Variants in CNNM3 observed in about 807,000 individuals in gnomAD.
CNNM3 encodes the protein metal transporter CNNM3.
In CNNM3, 47 loss-of-function variants were observed where a neutral mutation model predicts 57.1. The observed-to-expected ratio is 0.82, with a 90% CI of 0.65 to 1.05. CNNM3 has a LOEUF of 1.05. CNNM3 is among the 50% of genes least tolerant of loss of function. The pLI, the probability that CNNM3 is intolerant of heterozygous loss-of-function variation, is 0.00. For synonymous variants in CNNM3, 507 were observed against 478.2 expected (o/e 1.06, Z -0.79); for missense variants, 957 against 973.7 (o/e 0.98, Z 0.23).
intron 1 of CNNM3, among the ~76,000 whole-genome samples, chr2:96,823,511 G>A (rs944208734): frequency 4.6e-5 from 7 of 152,216 alleles, no homozygotes; most frequent in South Asian, 4.1e-4. Context: ...GTCTAGAAAC[G>A]CGGTTCAGCA....
chr2:96,835,557 C>T (rs1034818219), downstream of CNNM3, among the ~76,000 whole-genome samples: 3 of 151,934 alleles, frequency 2.0e-5, no homozygotes, highest in Admixed American at 2.0e-4. Flanking sequence ...CAAGCTCTGC[C>T]TCCCGGGTTC....
intron 7 of CNNM3, 147 bp downstream of exon 7, chr2:96,829,281 A>G: frequency 9.6e-7 from 1 of 1,037,882 alleles, no homozygotes; most frequent in East Asian, 4.6e-5. Flanking sequence ...ATATATATAT[A>G]TCTATATATA....
Position 96,816,645 on chromosome 2 carries a change from C to T in CNNM3, c.368C>T (p.Pro123Leu). The T allele has an allele frequency of 9.1e-7, 1 of 1,094,884 alleles. No individual in the cohort carries two copies. Among genetic ancestry groups the T allele is most frequent in the Non-Finnish European group, 1.1e-6 (1 of 902,146 alleles). 67.8% of individuals were successfully genotyped at this position (1,094,884 alleles called of 1,614,324 possible). Residue 123 changes from proline (P) to leucine (L), a missense_variant, in exon 1 of 8, where the codon CCG (proline) becomes CTG (leucine). Pro to Leu is a moderately conservative substitution (Grantham distance 98). This residue lies in a region of CNNM3 where 466 missense variants were observed against 403.1 expected (regional missense o/e 1.16). Transcript: ENST00000305510. ...HSALLAVRVE[P>L]GGGAAEEAAP... The stretch of plus-strand genomic sequence containing the variant: ...GCGCTGCTGGCGGTGCGCGTGGAGC[C>T]GGGTGGCGGGGCGGCTGAGGAGGCG...
rs1311434321 is a variant in CNNM3, at chr2:96,835,333, G to A, written c.*2717G>A. On this transcript the variant is annotated 3_prime_UTR_variant, in exon 8 of 8. Coordinates refer to ENST00000305510, the MANE Select transcript of CNNM3 (RefSeq NM_017623.5). ...TGGCCCCCTGAAGGACACCTGGGAT[G>A]TTTCCAGTTTGGGGCTATTCCAAAT... Among the ~76,000 whole-genome samples, 1 of 152,140 alleles carries A rather than the reference G, an allele frequency of 6.6e-6. No homozygotes were observed. The highest frequency in any genetic ancestry group is 2.4e-5 in the African/African-American group (1 of 41,414).
At chr2:96,818,624 T>G (rs1479967247) in intron 1 of CNNM3, among the ~76,000 whole-genome samples, 1 of 152,166 alleles carries the variant, frequency 6.6e-6, no homozygotes, top group Non-Finnish European at 1.5e-5. Flanking sequence ...CCTTCACTGT[T>G]TTAGCTGAGC....
At chr2:96,827,424 C>T (rs962624251) in intron 3 of CNNM3, among the ~76,000 whole-genome samples, 9 of 152,162 alleles carry the variant, frequency 5.9e-5, no homozygotes, top group Non-Finnish European at 1.0e-4. Context: ...TGTATCACCA[C>T]GCCCAGCTAA....
rs763919255 is a variant in CNNM3, at chr2:96,817,393, T to G, written c.1116T>G (p.Asp372Glu). The change falls in exon 1 of 8, where the codon GAT (aspartate) becomes GAG (glutamate). Residue 372 changes from aspartate (D) to glutamate (E), a missense_variant. Around this residue, in one of 2 missense-constraint regions of CNNM3, gnomAD observed 491 missense variants for 570.6 expected, o/e 0.86. Coordinates refer to ENST00000305510, the MANE Select transcript of CNNM3 (RefSeq NM_017623.5). ...ACCTCAAGGACTTGGCCTTCGTGGA[T>G]CCCGAAGACTGCACGCCGCTCAGCA... ...MLYLKDLAFV[D>E]PEDCTPLSTI... The G allele has an allele frequency of 8.1e-6, 13 of 1,614,018 alleles. No individual in the cohort carries two copies. In the East Asian group the frequency reaches 2.9e-4, roughly 36 times the overall value.
Position 96,834,920 on chromosome 2 carries a change from C to T in CNNM3, c.*2304C>T, listed in dbSNP as rs1004251213. Among the ~76,000 whole-genome samples the T allele has an allele frequency of 2.0e-5, 3 of 152,124 alleles. No homozygotes were observed. Among genetic ancestry groups the T allele is most frequent in the East Asian group, 1.9e-4 (1 of 5,200 alleles). On this transcript the variant is annotated 3_prime_UTR_variant, in exon 8 of 8. Coordinates refer to ENST00000305510, the MANE Select transcript of CNNM3 (RefSeq NM_017623.5). The stretch of plus-strand genomic sequence containing the variant: ...GTTGTAAAGGTAAGGGCCCCACGCA[C>T]CCTTCATCTAGTTTCCCTCCATGGT...
downstream of CNNM3, among the ~76,000 whole-genome samples, chr2:96,836,239 ATTT>A (rs761750199): frequency 3.6e-4 from 45 of 126,530 alleles, no homozygotes; most frequent in Admixed American, 1.7e-3. Context: ...CACCCAGCTA[ATTT>A]TTTTTTTTTT....
chr2:96,827,678 C>T (rs2079531887), intron 3 of CNNM3, 53 bp from the exon 4 acceptor site: 2 of 1,558,524 alleles, frequency 1.3e-6, no homozygotes, highest in South Asian at 2.3e-5. Flanking sequence ...GGGTGTGGTT[C>T]CACTGGCCAC....
chr2:96,827,069 C>G lies in CNNM3; in HGVS notation c.1519+87C>G, dbSNP rs904689787. The G allele has an allele frequency of 2.7e-6, 4 of 1,460,788 alleles. No individual in the cohort carries two copies. In the African/African-American group the frequency reaches 5.6e-5, roughly 20 times the overall value. 90.5% of individuals were successfully genotyped at this position (1,460,788 alleles called of 1,614,324 possible). Reference sequence around the variant, plus strand: ...GCCCAGGGCCGACACTGACTCTGCTCCCCACTCCTAGCAGGCGGGTGCGTC... The same window carrying G: ...GCCCAGGGCCGACACTGACTCTGCTGCCCACTCCTAGCAGGCGGGTGCGTC... On this transcript the variant is annotated intron_variant, in intron 3 of 7. Transcript: ENST00000305510.
intron 1 of CNNM3, among the ~76,000 whole-genome samples, chr2:96,821,678 T>G (rs2153353992): frequency 6.6e-6 from 1 of 152,290 alleles, no homozygotes; most frequent in Middle Eastern, 3.4e-3. Flanking sequence ...GAAAATACCT[T>G]AAGTCAAAAA....
intron 5 of CNNM3, 143 bp from the exon 6 acceptor site, chr2:96,828,424 T>TGGA: frequency 9.1e-7 from 1 of 1,098,878 alleles, no homozygotes; most frequent in Non-Finnish European, 1.3e-6. Flanking sequence ...GTGTTTGTCC[T>TGGA]TCTCTCCCAG....
rs536051988 is a variant in CNNM3 at position 96,833,484 on chromosome 2, G to C, written c.*868G>C. 4 of 168,170 alleles carry C rather than the reference G, an allele frequency of 2.4e-5. No homozygotes were observed. The highest frequency in any genetic ancestry group is 9.5e-5 in the African/African-American group (4 of 41,898). 10.4% of individuals were successfully genotyped at this position (168,170 alleles called of 1,614,324 possible). A position where few individuals can be genotyped will look rare whatever the true frequency, so the allele number is the denominator to read the frequency against. ...TCCCCACAGCCTCCCTGCAGGTGCT[G>C]TGTGGCCGTGATGTGCAGAGAGCAG... On this transcript the variant is annotated 3_prime_UTR_variant, in exon 8 of 8. Coordinates refer to ENST00000305510, the MANE Select transcript of CNNM3 (RefSeq NM_017623.5).
Position 96,817,079 on chromosome 2 carries a change from C to A in CNNM3, c.802C>A (p.Pro268Thr). The part of the protein sequence containing the change: ...LSRLAVLLTL[P>T]VALPVGQLLE... Reference sequence around the variant, plus strand: ...CCGCCTGGCCGTCCTGCTCACTCTGCCCGTCGCGCTGCCCGTGGGGCAGCT... The same window carrying A: ...CCGCCTGGCCGTCCTGCTCACTCTGACCGTCGCGCTGCCCGTGGGGCAGCT... The change falls in exon 1 of 8, where the codon CCC becomes ACC. Residue 268 changes from proline to threonine, a missense_variant. Coordinates refer to ENST00000305510, the MANE Select transcript of CNNM3 (RefSeq NM_017623.5). The A allele has an allele frequency of 7.4e-7, 1 of 1,349,618 alleles. No individual in the cohort carries two copies. Among genetic ancestry groups the A allele is most frequent in the Non-Finnish European group, 9.5e-7 (1 of 1,058,154 alleles). The allele number at this position is 1,349,618 out of a possible 1,614,324, so 83.6% of individuals were successfully genotyped here. A position where few individuals can be genotyped will look rare whatever the true frequency, so the allele number is the denominator to read the frequency against.
At chr2:96,832,320 G>A (rs898169509) in intron 7 of CNNM3, 1 of 985,230 alleles carries the variant, frequency 1.0e-6, no homozygotes, top group African/African-American at 1.7e-5. Context: ...AATGACCTGG[G>A]ACCCTCGGGG....
At position 96,817,076 on chromosome 2, in the gene CNNM3, C is replaced by T. The variant is rs1015625758; in HGVS notation, c.799C>T (p.Leu267=). 5.7e-5 allele frequency: 77 copies of T among 1,352,478 alleles called. No individual in the cohort carries two copies. Among genetic ancestry groups the T allele is most frequent in the Middle Eastern group, 2.4e-4 (1 of 4,152 alleles). 83.8% of individuals were successfully genotyped at this position (1,352,478 alleles called of 1,614,324 possible). ...GLSRLAVLLT[L]PVALPVGQLL... Reference sequence around the variant, plus strand: ...CAGCCGCCTGGCCGTCCTGCTCACTCTGCCCGTCGCGCTGCCCGTGGGGCA... The same window carrying T: ...CAGCCGCCTGGCCGTCCTGCTCACTTTGCCCGTCGCGCTGCCCGTGGGGCA... The change falls in exon 1 of 8, where the codon CTG becomes TTG. Residue 267 remains leucine (L), a synonymous_variant. Coordinates refer to ENST00000305510, the MANE Select transcript of CNNM3 (RefSeq NM_017623.5).
chr2:96,818,417 T>G (rs1372758944), intron 1 of CNNM3, among the ~76,000 whole-genome samples: 1 of 151,604 alleles, frequency 6.6e-6, no homozygotes, highest in Non-Finnish European at 1.5e-5. Context: ...AATCTCCTGT[T>G]TTTTAAAATT....
At chr2:96,829,226 CTCTG>C (rs2079561652) in intron 7 of CNNM3, 92 bp downstream of exon 7, 28 of 1,423,526 alleles carry the variant, frequency 2.0e-5, no homozygotes, top group East Asian at 1.8e-4. Flanking sequence ...CCCCCCCACC[CTCTG>C]TCTTTTTTCT....
Sources: allele counts gnomAD v4.1 joint callset (sites outside exome capture counted in the v4.1 genomes callset), GRCh38; gene constraint gnomAD v4.1.1; regional missense constraint gnomAD v4.1.1; transcripts MANE v1.5; gene names NCBI Gene and HGNC (gene_info 2026-07-23, HGNC 2026-07-21).